The following BAZ1A variants were observed in gnomAD, a reference collection of about 807,000 sequenced individuals.
The protein encoded by BAZ1A is bromodomain adjacent to zinc finger domain protein 1A.
Under a neutral mutation model 185.2 loss-of-function variants are expected in BAZ1A, and 50 were observed. That is an observed-to-expected ratio of 0.27 (90% CI 0.22 to 0.34). BAZ1A has a LOEUF of 0.34. BAZ1A is among the 10% of genes least tolerant of loss of function. BAZ1A has a pLI of 1.00. For missense variants in BAZ1A, 1,356 were observed against 1,839.9 expected (o/e 0.74, Z 4.81); for synonymous variants, 571 against 615.6 (o/e 0.93, Z 1.07).
chr14:34,768,673 AAAAGT>A (rs772271758), intron 21 of BAZ1A: 4 of 382,552 alleles, frequency 1.0e-5, no homozygotes, highest in South Asian at 8.0e-5. Flanking sequence ...AATTTCTTTA[AAAAGT>A]TAAAAATTTA....
At chr14:34,805,507 T>C (rs1356133513) in intron 6 of BAZ1A, among the ~76,000 whole-genome samples, 6 of 152,230 alleles carry the variant, frequency 3.9e-5, no homozygotes, top group Non-Finnish European at 5.9e-5. Context: ...ACAATATACA[T>C]ATACAACTAT....
At chr14:34,821,447 C>A (rs1252997185) in intron 4 of BAZ1A, among the ~76,000 whole-genome samples, 1 of 152,072 alleles carries the variant, frequency 6.6e-6, no homozygotes, top group African/African-American at 2.4e-5. Flanking sequence ...ATGAGAAAAT[C>A]CAGATTATGT....
chr14:34,833,154 A>G (rs2042275600), intron 3 of BAZ1A, among the ~76,000 whole-genome samples: 1 of 152,106 alleles, frequency 6.6e-6, no homozygotes, highest in African/African-American at 2.4e-5. Context: ...TGGTGGGAAG[A>G]TCGCTTGAGC....
intron 21 of BAZ1A, 24 bp from the exon 22 acceptor site, chr14:34,765,292 T>C (rs763591475): frequency 4.4e-6 from 7 of 1,605,002 alleles, no homozygotes; most frequent in Non-Finnish European, 4.3e-6. Context: ...GGAAAGTGAT[T>C]ACAATTTTTT....
intron 3 of BAZ1A, among the ~76,000 whole-genome samples, chr14:34,827,957 A>G (rs1178309019): frequency 6.6e-6 from 1 of 151,774 alleles, no homozygotes; most frequent in African/African-American, 2.4e-5. Context: ...CTGTATCTGG[A>G]TTTTATGGGC....
chr14:34,838,877 G>T (rs2042370055), intron 3 of BAZ1A, among the ~76,000 whole-genome samples: 1 of 152,018 alleles, frequency 6.6e-6, no homozygotes, highest in African/African-American at 2.4e-5. Flanking sequence ...CGCAAAAAAG[G>T]TTTAATTTTA....
intron 3 of BAZ1A, among the ~76,000 whole-genome samples, chr14:34,844,613 C>CAA (rs369573959): frequency 4.4e-4 from 63 of 142,026 alleles, no homozygotes; most frequent in South Asian, 1.3e-3. Flanking sequence ...CCTGTTTCTA[C>CAA]AAAAAAAAAA....
intron 12 of BAZ1A, among the ~76,000 whole-genome samples, chr14:34,789,319 A>G (rs1880694522): frequency 6.6e-6 from 1 of 152,232 alleles, no homozygotes; most frequent in African/African-American, 2.4e-5. Flanking sequence ...CCTTTAGGAA[A>G]TGAAAAACCA....
intron 18 of BAZ1A, 50 bp from the exon 19 acceptor site, chr14:34,774,540 C>A (rs759348044): frequency 2.0e-5 from 29 of 1,446,158 alleles, no homozygotes; most frequent in Non-Finnish European, 2.3e-5. Flanking sequence ...TTAAAAACTA[C>A]AATTACTCCA....
chr14:34,763,490 G>C (rs568720295), intron 23 of BAZ1A, among the ~76,000 whole-genome samples: 2 of 151,766 alleles, frequency 1.3e-5, no homozygotes, highest in East Asian at 3.9e-4. Context: ...TCCCTGATAT[G>C]ACTGGCTATG....
chr14:34,782,361 T>C (rs1475814948), intron 16 of BAZ1A, among the ~76,000 whole-genome samples: 2 of 152,246 alleles, frequency 1.3e-5, no homozygotes, highest in Non-Finnish European at 2.9e-5. Flanking sequence ...GCATATCTTC[T>C]TTGGAGAAAT....
intron 23 of BAZ1A, among the ~76,000 whole-genome samples, chr14:34,763,257 G>A (rs1482144672): frequency 6.6e-6 from 1 of 152,012 alleles, no homozygotes; most frequent in Non-Finnish European, 1.5e-5. Context: ...CAAGCTACAG[G>A]GAAGATGGCT....
At chr14:34,855,917 A>G (rs191330403) in intron 3 of BAZ1A, among the ~76,000 whole-genome samples, 47 of 152,304 alleles carry the variant, frequency 3.1e-4, no homozygotes, top group African/African-American at 7.2e-4. Context: ...AAATAAATAA[A>G]TAAGTAAGTA....
intron 21 of BAZ1A, among the ~76,000 whole-genome samples, chr14:34,767,046 T>C (rs1157315736): frequency 6.6e-6 from 1 of 152,226 alleles, no homozygotes; most frequent in Non-Finnish European, 1.5e-5. Flanking sequence ...GTCAAATGGC[T>C]CTTCAAAGCT....
chr14:34,799,697 C>T (rs1881399204), intron 9 of BAZ1A, among the ~76,000 whole-genome samples: 1 of 151,964 alleles, frequency 6.6e-6, no homozygotes, highest in Admixed American at 6.6e-5. Context: ...CTGTAACCTC[C>T]ACCTCCCATG....
chr14:34,847,124 G>A (rs1469092172), intron 3 of BAZ1A, among the ~76,000 whole-genome samples: 2 of 151,888 alleles, frequency 1.3e-5, no homozygotes, highest in African/African-American at 4.8e-5. Flanking sequence ...GGTGGCGCAT[G>A]CCTGTAATCC....
chr14:34,866,502 A>AAAAGAAAAAAAAAAGAAAG, intron 2 of BAZ1A, among the ~76,000 whole-genome samples: 1 of 79,538 alleles, frequency 1.3e-5, no homozygotes, highest in African/African-American at 3.8e-5. Context: ...AAAAAAAAAA[A>AAAAGAAAAAAAAAAGAAAG]GAAAAAAGTT....
At chr14:34,859,257 TA>T (rs2042731140) in intron 3 of BAZ1A, among the ~76,000 whole-genome samples, 3 of 152,048 alleles carry the variant, frequency 2.0e-5, no homozygotes, top group Non-Finnish European at 2.9e-5. Context: ...AGACCTCATC[TA>T]TACTAAAAGT....
chr14:34,775,792 G>C (rs1270144137), intron 18 of BAZ1A, 127 bp downstream of exon 18: 6 of 704,406 alleles, frequency 8.5e-6, no homozygotes, highest in African/African-American at 1.8e-5. Flanking sequence ...AAACTAAAAG[G>C]ACAGCCTAAA....
Sources: allele counts gnomAD v4.1 joint callset (sites outside exome capture counted in the v4.1 genomes callset), GRCh38; gene constraint gnomAD v4.1.1; transcripts MANE v1.5; gene names NCBI Gene and HGNC (gene_info 2026-07-23, HGNC 2026-07-21).